TERB1: variants seen among roughly 807,000 people sequenced by gnomAD.
TERB1 encodes the protein telomere repeat binding bouquet formation protein 1, also known as telomere repeats-binding bouquet formation protein 1.
A neutral mutation model predicts 92.3 loss-of-function variants in TERB1; 63 were observed. That is an observed-to-expected ratio of 0.68 (90% CI 0.56 to 0.84). The LOEUF (loss-of-function observed/expected upper bound fraction) is 0.84. Among genes scored for constraint, TERB1 ranks in the 40% least tolerant of loss-of-function variants. The pLI is 0.00. For missense variants in TERB1, 709 were observed against 843.7 expected (o/e 0.84, Z 1.98); for synonymous variants, 252 against 283.9 (o/e 0.89, Z 1.13).
intron 9 of TERB1, among the ~76,000 whole-genome samples, chr16:66,784,327 T>G (rs908262118): frequency 4.6e-5 from 7 of 152,140 alleles, no homozygotes; most frequent in African/African-American, 1.2e-4. Context: ...ATGGTTTTTT[T>G]GGGTTTTTTG....
At chr16:66,799,640 C>T (rs552198805) in intron 2 of TERB1, among the ~76,000 whole-genome samples, 57 of 152,200 alleles carry the variant, frequency 3.7e-4, no homozygotes, top group African/African-American at 1.3e-3. Context: ...GGTTACTTTG[C>T]ACAAAAAGAG....
chr16:66,762,283 C>G (rs763472638), intron 16 of TERB1, among the ~76,000 whole-genome samples: 2 of 152,170 alleles, frequency 1.3e-5, no homozygotes, highest in African/African-American at 4.8e-5. Flanking sequence ...AGCTCTGTCC[C>G]CACGTATGCA....
intron 5 of TERB1, among the ~76,000 whole-genome samples, chr16:66,789,040 A>C (rs534503589): frequency 6.8e-6 from 1 of 148,042 alleles, no homozygotes; most frequent in South Asian, 2.1e-4. Context: ...AAAAAAAAAG[A>C]AAGAATGACT....
Position 66,778,898 on chromosome 16 carries a change from A to G in TERB1, c.818T>C (p.Val273Ala). The change falls in exon 10 of 19, where the codon GTG (valine) becomes GCG (alanine). Residue 273 changes from valine to alanine, a missense_variant. Transcript: ENST00000433154. ...TLSSAKLAVV[V>A]TKTVDACIAD... ...AATGCATGCATCCACAGTCTTCGTC[A>G]CAACCACTGCAAGTTTAGCACTGGA... The G allele has an allele frequency of 6.6e-7, 1 of 1,525,432 alleles. No homozygotes were observed. The highest frequency in any genetic ancestry group is 8.9e-7 in the Non-Finnish European group (1 of 1,126,878). The allele number at this position is 1,525,432 out of a possible 1,614,324, so 94.5% of individuals were successfully genotyped here.
chr16:66,785,849 A>C lies in TERB1; in HGVS notation c.637T>G (p.Cys213Gly). The C allele has an allele frequency of 6.5e-7, 1 of 1,549,592 alleles. No homozygotes were observed. The highest frequency in any genetic ancestry group is 8.7e-7 in the Non-Finnish European group (1 of 1,146,118). The change falls in exon 9 of 19, where the codon TGC becomes GGC. Residue 213 changes from cysteine to glycine, a missense_variant. By Grantham distance (159) the Cys-to-Gly change is radical. Coordinates refer to ENST00000433154, the MANE Select transcript of TERB1 (RefSeq NM_001136505.2). ...FPHANEWLKN[C>G]TTPEIIRPIC... ...GGGCGAATTATCTCAGGTGTCGTGC[A>C]ATTTTTTAGCCATTCATTAGCATGT...
rs572607989 is a variant in TERB1, at chr16:66,765,763, C to T, written c.1780+1652G>A. Among the ~76,000 whole-genome samples, 6 of 143,994 alleles carry T rather than the reference C, an allele frequency of 4.2e-5. No homozygotes were observed. The East Asian group carries it at 1.4e-3, about 33-fold the overall frequency. 94.5% of individuals were successfully genotyped at this position (143,994 alleles called of 152,430 possible). A position where few individuals can be genotyped will look rare whatever the true frequency, so the allele number is the denominator to read the frequency against. ...ATGAGCCACCACACCCGGCCTAATACATTTACTTTCTAATGGTATATGTGC... is the reference window on the plus strand; with the variant it reads ...ATGAGCCACCACACCCGGCCTAATATATTTACTTTCTAATGGTATATGTGC... On this transcript the variant is annotated intron_variant, in intron 16 of 18. Coordinates refer to ENST00000433154, the MANE Select transcript of TERB1 (RefSeq NM_001136505.2).
Position 66,768,170 on chromosome 16 carries a change from TAAAAG to T in TERB1, c.1620-7_1620-3del, listed in dbSNP as rs1345425814. 2 of 1,542,122 alleles carry T rather than the reference TAAAAG, an allele frequency of 1.3e-6. No homozygotes were observed. Among genetic ancestry groups the T allele is most frequent in the South Asian group, 2.4e-5 (2 of 83,806 alleles). ...ACTGGGTGTTTAAAAACATGGTCAC[TAAAAG>T]AAAATAGACACCAGATTACTAAAAG... is the stretch of plus-strand genomic sequence containing the variant. On this transcript the variant is annotated splice_polypyrimidine_tract_variant and splice_region_variant and intron_variant, in intron 14 of 18. Transcript: ENST00000433154.
At chr16:66,763,121 C>T (rs540996818) in intron 16 of TERB1, among the ~76,000 whole-genome samples, 1 of 151,466 alleles carries the variant, frequency 6.6e-6, no homozygotes. Flanking sequence ...AATCATGATC[C>T]AAATAAGGTT....
chr16:66,771,663 A>T (rs2018454345), intron 13 of TERB1, among the ~76,000 whole-genome samples: 1 of 151,214 alleles, frequency 6.6e-6, no homozygotes. Context: ...ACACACACAC[A>T]CACACACACA....
intron 9 of TERB1, among the ~76,000 whole-genome samples, chr16:66,784,136 G>A (rs1320556682): frequency 6.6e-6 from 1 of 152,062 alleles, no homozygotes; most frequent in Admixed American, 6.6e-5. Context: ...GGTAATCTGA[G>A]CTTTCTCTCA....
At chr16:66,791,888 A>C (rs921785409) in intron 3 of TERB1, among the ~76,000 whole-genome samples, 2 of 152,120 alleles carry the variant, frequency 1.3e-5, no homozygotes, top group African/African-American at 2.4e-5. Flanking sequence ...TATAAATTCT[A>C]CTCAATTTTT....
At chr16:66,787,283 C>CTT (rs58213946) in intron 6 of TERB1, among the ~76,000 whole-genome samples, 8 of 137,886 alleles carry the variant, frequency 5.8e-5, no homozygotes, top group African/African-American at 1.1e-4. Context: ...TTTTCTTTTT[C>CTT]TTTTTTTTTT....
chr16:66,782,464 C>A (rs948793738), intron 9 of TERB1, among the ~76,000 whole-genome samples: 1 of 151,240 alleles, frequency 6.6e-6, no homozygotes, highest in Non-Finnish European at 1.5e-5. Context: ...ACAGGAGAAT[C>A]ACTTGAGCCT....
chr16:66,767,017 T>C (rs780730540), intron 16 of TERB1, among the ~76,000 whole-genome samples: 9 of 152,196 alleles, frequency 5.9e-5, no homozygotes, highest in African/African-American at 1.7e-4. Flanking sequence ...AAATCATACA[T>C]GTAGAACTAT....
rs1486725294 is a variant in TERB1 at position 66,769,968 on chromosome 16, T to C, written c.1614A>G (p.Gln538=). The change falls in exon 14 of 19, where the codon CAA becomes CAG. Residue 538 remains glutamine, a synonymous_variant. Coordinates refer to ENST00000433154, the MANE Select transcript of TERB1 (RefSeq NM_001136505.2). ...ETTFEKNFVS[Q]SSDHVFKHPV... is the part of the protein sequence containing the mutation. Reference sequence around the variant, plus strand: ...ACACAATTATTAAACTATACCTTGATTGAGAAACAAAATTCTTTTCAAAAG... The same window carrying C: ...ACACAATTATTAAACTATACCTTGACTGAGAAACAAAATTCTTTTCAAAAG... 3 of 1,547,572 alleles carry C rather than the reference T, an allele frequency of 1.9e-6. No homozygotes were observed. The highest frequency in any genetic ancestry group is 2.0e-5 in the Admixed American group (1 of 50,708).
At chr16:66,777,747 T>C (rs1287024507) in intron 10 of TERB1, among the ~76,000 whole-genome samples, 1 of 152,222 alleles carries the variant, frequency 6.6e-6, no homozygotes, top group Non-Finnish European at 1.5e-5. Flanking sequence ...AATCAGTTCC[T>C]GCTGTCATTT....
chr16:66,788,694 T>C (rs916112477), intron 5 of TERB1, among the ~76,000 whole-genome samples: 1 of 151,530 alleles, frequency 6.6e-6, no homozygotes, highest in Non-Finnish European at 1.5e-5. Flanking sequence ...ACAAACAATA[T>C]TTGTGCTATG....
At chr16:66,788,395 C>G in intron 5 of TERB1, 98 bp from the exon 6 acceptor site, 1 of 964,098 alleles carries the variant, frequency 1.0e-6, no homozygotes, top group Non-Finnish European at 1.5e-6. Context: ...GGCGATGGTT[C>G]TTAACCAAAT....
chr16:66,796,676 ATTCT>A (rs2018933768), intron 3 of TERB1, 88 bp downstream of exon 3: 2 of 911,726 alleles, frequency 2.2e-6, no homozygotes, highest in Non-Finnish European at 3.5e-6. Flanking sequence ...TGGCTGAATG[ATTCT>A]TTCATTTCCT....
Sources: gnomAD v4.1 joint callset for allele counts (sites outside exome capture counted in the v4.1 genomes callset) on GRCh38, gnomAD v4.1.1 for gene constraint, MANE v1.5 for transcripts, NCBI Gene and HGNC (gene_info 2026-07-23, HGNC 2026-07-21) for gene names.